The following CACNA1E variants were observed in gnomAD, a reference collection of about 807,000 sequenced individuals.
CACNA1E encodes the protein voltage-dependent R-type calcium channel subunit alpha-1E.
A neutral mutation model predicts 259.2 loss-of-function variants in CACNA1E; 40 were observed. The ratio of observed to expected loss-of-function variants is 0.15; its 90% CI spans 0.12 to 0.20. The LOEUF is 0.20. CACNA1E is among the 10% of genes least tolerant of loss of function. CACNA1E has a pLI of 1.00. For synonymous variants in CACNA1E, 1,104 were observed against 1,138.5 expected, an observed-to-expected ratio of 0.97 and a Z score of 0.61; for missense variants, 1,874 against 3,040.1, an observed-to-expected ratio of 0.62 and a Z score of 9.02.
At chr1:181,643,637 TGTAGGTTGGGTGG>T (rs1425661907) in intron 6 of CACNA1E, among the ~76,000 whole-genome samples, 1 of 152,158 alleles carries the variant, frequency 6.6e-6, no homozygotes. Flanking sequence ...TGTGGCTGCT[TGTAGGTTGGGTGG>T]AGGAGTGTTT....
rs1453833854 is a variant in CACNA1E at position 181,506,844 on chromosome 1, G to A, written c.267-3633G>A. ...GGCTGGGGCCTAGGCAGACTTGGATGGTCTCTTCTGCTCACCTCCCCTGAG... is the reference window on the plus strand; with the variant it reads ...GGCTGGGGCCTAGGCAGACTTGGATAGTCTCTTCTGCTCACCTCCCCTGAG... On this transcript the variant is annotated intron_variant, in intron 1 of 47. Coordinates refer to ENST00000367573, the MANE Select transcript of CACNA1E (RefSeq NM_001205293.3). Among the ~76,000 whole-genome samples the A allele has an allele frequency of 1.3e-5, 2 of 152,116 alleles. 1 individual carries two copies. Among genetic ancestry groups the A allele is most frequent in the Admixed American group, 1.3e-4 (2 of 15,286 alleles).
intron 2 of CACNA1E, among the ~76,000 whole-genome samples, chr1:181,426,335 A>T (rs961543520): frequency 1.3e-5 from 2 of 151,688 alleles, no homozygotes; most frequent in East Asian, 3.9e-4. Context: ...ACTCCTCCTC[A>T]TCTGAACCCT....
chr1:181,620,275 C>G (rs1655608485), intron 6 of CACNA1E, among the ~76,000 whole-genome samples: 1 of 152,050 alleles, frequency 6.6e-6, no homozygotes, highest in African/African-American at 2.4e-5. Flanking sequence ...GGAAAGCAGC[C>G]TTGGGTGTTG....
At chr1:181,692,714 A>G (rs1322562088) in intron 7 of CACNA1E, among the ~76,000 whole-genome samples, 1 of 152,178 alleles carries the variant, frequency 6.6e-6, no homozygotes, top group Admixed American at 6.6e-5. Flanking sequence ...CACCTAGGAA[A>G]CACCATTTTG....
chr1:181,474,118 A>G (rs1313284047), intron 2 of CACNA1E, among the ~76,000 whole-genome samples: 1 of 143,172 alleles, frequency 7.0e-6, no homozygotes, highest in Non-Finnish European at 1.5e-5. Flanking sequence ...AGAATTTGCA[A>G]TATGAAAATA....
At chr1:181,569,867 A>G (rs1424882086) in intron 3 of CACNA1E, among the ~76,000 whole-genome samples, 1 of 152,198 alleles carries the variant, frequency 6.6e-6, no homozygotes, top group Non-Finnish European at 1.5e-5. Context: ...TTTTGAACTG[A>G]GTTACGAGGA....
chr1:181,492,122 GAAAACAAAACAAAAC>G (rs758570072), intron 1 of CACNA1E, among the ~76,000 whole-genome samples: 1 of 152,068 alleles, frequency 6.6e-6, no homozygotes, highest in African/African-American at 2.4e-5. Flanking sequence ...CTTTCTCACG[GAAAACAAAACAAAAC>G]AAAACAAAAC....
chr1:181,400,092 AGT>A lies in CACNA1E; in HGVS notation c.-14-13038_-14-13037del, dbSNP rs1337764611. 3.3e-5 allele frequency among the ~76,000 whole-genome samples: 5 copies of A among 152,326 alleles called. No homozygotes were observed. The East Asian group carries it at 9.6e-4, about 29-fold the overall frequency. On this transcript the variant is annotated intron_variant, in intron 1 of 11. Coordinates refer to the CACNA1E transcript ENST00000524607. The stretch of plus-strand genomic sequence containing the variant: ...CTACTGTAGTTCTATGCTATATCTC[AGT>A]GTTCCCCCCCACCAGGGGTACATCG...
intron 6 of CACNA1E, among the ~76,000 whole-genome samples, chr1:181,611,751 A>G (rs989428746): frequency 1.3e-5 from 2 of 152,200 alleles, no homozygotes; most frequent in Non-Finnish European, 1.5e-5. Flanking sequence ...TGCCATAGTT[A>G]CTATAGTGTA....
At chr1:181,649,685 A>G (rs572051802) in intron 6 of CACNA1E, among the ~76,000 whole-genome samples, 7 of 152,352 alleles carry the variant, frequency 4.6e-5, no homozygotes, top group African/African-American at 1.7e-4. Flanking sequence ...AAAAAAAATG[A>G]GAACATGTTC....
intron 15 of CACNA1E, 144 bp from the exon 16 acceptor site, chr1:181,721,614 C>CTTT: frequency 4.5e-6 from 2 of 445,106 alleles, no homozygotes; most frequent in Non-Finnish European, 8.1e-6. Flanking sequence ...ATGGAAATGA[C>CTTT]TTTTTTTTTT....
In CACNA1E at chr1:181,732,852, G is replaced by T. The variant is rs753108564; in HGVS notation, c.2766G>T (p.Arg922=). Residue 922 remains arginine (R), a synonymous_variant, in exon 20 of 48, where the codon CGG becomes CGT. Coordinates refer to ENST00000367573, the MANE Select transcript of CACNA1E (RefSeq NM_001205293.3). This position sits in a 1 kb window ranked among gnomAD's most constrained non-coding sequence, Gnocchi z 5.5. ...ARHRQSQRRS[R]HRRVRTEGKE... ...ACAGGCAGAGCCAACGGCGCAGCCGGCATCGCCGCGTCAGGACAGAAGGCA... is the reference window on the plus strand; with the variant it reads ...ACAGGCAGAGCCAACGGCGCAGCCGTCATCGCCGCGTCAGGACAGAAGGCA... 370 of 1,613,736 alleles carry T rather than the reference G, an allele frequency of 2.3e-4. No individual in the cohort carries two copies. Among genetic ancestry groups the T allele is most frequent in the Non-Finnish European group, 3.1e-4 (362 of 1,179,792 alleles).
At chr1:181,337,161 T>G (rs1177950816) in intron 1 of CACNA1E, among the ~76,000 whole-genome samples, 2 of 146,872 alleles carry the variant, frequency 1.4e-5, no homozygotes, top group Admixed American at 6.8e-5. Flanking sequence ...AATCTACTCT[T>G]TTTTTTTTTT....
At chr1:181,352,063 A>C (rs796219447) in intron 1 of CACNA1E, among the ~76,000 whole-genome samples, 9 of 152,222 alleles carry the variant, frequency 5.9e-5, no homozygotes, top group African/African-American at 2.2e-4. Flanking sequence ...GTAAAATGCT[A>C]TCAGAGAATC....
chr1:181,326,821 A>G (rs1393963775), intron 1 of CACNA1E, among the ~76,000 whole-genome samples: 1 of 152,070 alleles, frequency 6.6e-6, no homozygotes, highest in Non-Finnish European at 1.5e-5. Flanking sequence ...GGCCTCTTTC[A>G]GCAAATGGTA....
In CACNA1E at chr1:181,729,204, C is replaced by T. The variant is rs141083750; in HGVS notation, c.2241-1971C>T. ...TGCTCAGGTGTGTGTGCATTTTGCTCGGGTGTGTGTGCCCTGCTCAGCTGT... is the reference window on the plus strand; with the variant it reads ...TGCTCAGGTGTGTGTGCATTTTGCTTGGGTGTGTGTGCCCTGCTCAGCTGT... On this transcript the variant is annotated intron_variant, in intron 18 of 47. Coordinates refer to ENST00000367573, the MANE Select transcript of CACNA1E (RefSeq NM_001205293.3). Among the ~76,000 whole-genome samples, 873 of 145,822 alleles carry T rather than the reference C, an allele frequency of 6.0e-3. 9 individuals are homozygous for T. Among genetic ancestry groups the T allele is most frequent in the East Asian group, 0.055 (266 of 4,844 alleles).
chr1:181,328,599 C>T (rs1650980467), intron 1 of CACNA1E, among the ~76,000 whole-genome samples: 2 of 152,108 alleles, frequency 1.3e-5, no homozygotes, highest in South Asian at 4.2e-4. Flanking sequence ...TTGTGTTAGC[C>T]TGGGTCCTCT....
At chr1:181,462,510 G>A (rs78724025) in intron 2 of CACNA1E, among the ~76,000 whole-genome samples, 2 of 152,100 alleles carry the variant, frequency 1.3e-5, no homozygotes, top group Non-Finnish European at 2.9e-5. Context: ...AGACACCCAC[G>A]TACCCACTAC....
At chr1:181,715,523 A>C (rs1653808214) in intron 9 of CACNA1E, 132 bp downstream of exon 9, 1 of 633,664 alleles carries the variant, frequency 1.6e-6, no homozygotes, top group South Asian at 1.9e-5. Context: ...TCTTTCTGTC[A>C]TAAAATCCCT....
Sources: gnomAD v4.1 joint callset for allele counts (sites outside exome capture counted in the v4.1 genomes callset) on GRCh38, gnomAD v4.1.1 for gene constraint, Gnocchi (gnomAD v3.1) non-coding constraint, MANE v1.5 for transcripts, NCBI Gene and HGNC (gene_info 2026-07-23, HGNC 2026-07-21) for gene names.